The following APCDD1 variants were observed in gnomAD, a reference collection of about 807,000 sequenced individuals.
The protein encoded by APCDD1 is APC down-regulated 1.
A neutral mutation model predicts 38.1 loss-of-function variants in APCDD1; 15 were observed. The ratio of observed to expected loss-of-function variants is 0.39; its 90% CI spans 0.26 to 0.61. The LOEUF is 0.61. APCDD1 is among the 20% of genes least tolerant of loss of function. The pLI, the probability that APCDD1 is intolerant of heterozygous loss-of-function variation, is 0.49. For missense variants in APCDD1, 647 were observed against 696.2 expected (o/e 0.93, Z 0.79); for synonymous variants, 261 against 279.7 (o/e 0.93, Z 0.67).
At chr18:10,464,105 AT>A (rs1364678913) in intron 1 of APCDD1, among the ~76,000 whole-genome samples, 1 of 151,932 alleles carries the variant, frequency 6.6e-6, no homozygotes, top group Non-Finnish European at 1.5e-5. Context: ...CTTAGATTGT[AT>A]TTCTTCCATC....
chr18:10,478,745 T>C (rs936357847), intron 3 of APCDD1, among the ~76,000 whole-genome samples: 9 of 152,196 alleles, frequency 5.9e-5, no homozygotes, highest in South Asian at 2.1e-4. Context: ...GTGTGTTGGA[T>C]AGACAGCAAG....
chr18:10,462,787 G>A (rs925440861), intron 1 of APCDD1, among the ~76,000 whole-genome samples: 59 of 151,690 alleles, frequency 3.9e-4, no homozygotes, highest in African/African-American at 1.2e-3. Flanking sequence ...AAGATTTACT[G>A]TAGTTTGTTG....
Position 10,487,773 on chromosome 18 carries a change from T to C in APCDD1, c.1280T>C (p.Met427Thr), listed in dbSNP as rs1245371026. 9 of 1,614,102 alleles carry C rather than the reference T, an allele frequency of 5.6e-6. 1 individual carries two copies. In the South Asian group the frequency reaches 8.8e-5, roughly 16 times the overall value. The change falls in exon 5 of 5, where the codon ATG (methionine) becomes ACG (threonine). Residue 427 changes from methionine to threonine, a missense_variant. Physicochemically the swap from Met to Thr is moderately conservative, Grantham distance 81 (BLOSUM62 -1). Coordinates refer to ENST00000355285, the MANE Select transcript of APCDD1 (RefSeq NM_153000.5). ...CACACGGAGTACGAGATCTTCAAAA[T>C]GGAACAGGATGCCCGGGGGCGCTAT... Reference protein sequence around the residue: ...LPHTEYEIFKMEQDARGRYLL... With the variant: ...LPHTEYEIFKTEQDARGRYLL...
intron 1 of APCDD1, among the ~76,000 whole-genome samples, chr18:10,458,589 T>G (rs1383706359): frequency 6.6e-6 from 1 of 152,178 alleles, no homozygotes; most frequent in Non-Finnish European, 1.5e-5. Flanking sequence ...TTAAAGAGAT[T>G]GACAAGCCAA....
intron 1 of APCDD1, among the ~76,000 whole-genome samples, chr18:10,456,666 TA>T (rs2030390114): frequency 6.6e-6 from 1 of 152,056 alleles, no homozygotes; most frequent in Admixed American, 6.5e-5. Flanking sequence ...TTTTGAGAGG[TA>T]GGGGTTGTAA....
rs1381101244 is a variant in APCDD1 at position 10,485,157 on chromosome 18, CT to C, written c.775-304del. ...TAGCCATCCTAATGGGTGTGAGGTG[CT>C]GCCATCATTTCTTTTTGAAATCAAG... On this transcript the variant is annotated intron_variant, in intron 3 of 4. Coordinates refer to ENST00000355285, the MANE Select transcript of APCDD1 (RefSeq NM_153000.5). The surrounding 1 kb of genome is among the most constrained non-coding windows in gnomAD (Gnocchi z 5.8). Among the ~76,000 whole-genome samples the C allele has an allele frequency of 6.6e-6, 1 of 152,158 alleles. No individual in the cohort carries two copies. The highest frequency in any genetic ancestry group is 2.4e-5 in the African/African-American group (1 of 41,428).
intron 3 of APCDD1, among the ~76,000 whole-genome samples, chr18:10,484,392 T>A (rs2031204373): frequency 6.6e-6 from 1 of 152,250 alleles, no homozygotes; most frequent in Admixed American, 6.5e-5. Context: ...TCTTTGTGTC[T>A]CCTAACTTTT....
At chr18:10,468,014 G>A (rs1300414481) in intron 1 of APCDD1, among the ~76,000 whole-genome samples, 1 of 152,142 alleles carries the variant, frequency 6.6e-6, no homozygotes, top group Non-Finnish European at 1.5e-5. Flanking sequence ...CTGTCATTGT[G>A]TAAATTCACC....
At chr18:10,455,843 GT>G (rs1167772345) in intron 1 of APCDD1, among the ~76,000 whole-genome samples, 1 of 152,162 alleles carries the variant, frequency 6.6e-6, no homozygotes, top group East Asian at 1.9e-4. Flanking sequence ...GACAAGGCAG[GT>G]TTTATGGCGC....
At chr18:10,480,831 G>A (rs2031118354) in intron 3 of APCDD1, among the ~76,000 whole-genome samples, 1 of 151,432 alleles carries the variant, frequency 6.6e-6, no homozygotes, top group Non-Finnish European at 1.5e-5. Context: ...TCACATCACT[G>A]CACTCCAACC....
chr18:10,482,333 G>T lies in APCDD1; in HGVS notation c.775-3129G>T, dbSNP rs370019390. 3.3e-5 allele frequency among the ~76,000 whole-genome samples: 5 copies of T among 152,326 alleles called. No individual in the cohort carries two copies. The East Asian group carries it at 7.7e-4, about 24-fold the overall frequency. ...CCAAGTTGTGGGGAATGGCGCAGAG[G>T]GGAGCTGAAGGCTGGGGTTGGGGAA... On this transcript the variant is annotated intron_variant, in intron 3 of 4. Transcript: ENST00000355285.
chr18:10,457,512 T>C (rs2030413701), intron 1 of APCDD1, among the ~76,000 whole-genome samples: 1 of 152,236 alleles, frequency 6.6e-6, no homozygotes, highest in Non-Finnish European at 1.5e-5. Flanking sequence ...TTTTTCCTGA[T>C]AAATAGGCAT....
chr18:10,483,128 C>T (rs1040515797), intron 3 of APCDD1, among the ~76,000 whole-genome samples: 17 of 152,186 alleles, frequency 1.1e-4, no homozygotes, highest in Non-Finnish European at 2.9e-5. Context: ...AATAGCTTGC[C>T]CAAAATCACC....
At chr18:10,462,181 C>T (rs1287306617) in intron 1 of APCDD1, among the ~76,000 whole-genome samples, 1 of 152,094 alleles carries the variant, frequency 6.6e-6, no homozygotes, top group Non-Finnish European at 1.5e-5. Context: ...AAAAACTTAG[C>T]ATTATATATA....
At chr18:10,461,860 G>A (rs1056599041) in intron 1 of APCDD1, among the ~76,000 whole-genome samples, 9 of 152,064 alleles carry the variant, frequency 5.9e-5, no homozygotes, top group African/African-American at 2.2e-4. Flanking sequence ...TCAAAATGTT[G>A]ACATTATTTG....
At chr18:10,461,670 G>C (rs1288790384) in intron 1 of APCDD1, among the ~76,000 whole-genome samples, 1 of 152,098 alleles carries the variant, frequency 6.6e-6, no homozygotes, top group African/African-American at 2.4e-5. Flanking sequence ...AAAAAGAAAG[G>C]CATATATTAG....
At chr18:10,473,524 G>A (rs1390106746) in intron 3 of APCDD1, among the ~76,000 whole-genome samples, 1 of 152,230 alleles carries the variant, frequency 6.6e-6, no homozygotes, top group African/African-American at 2.4e-5. Context: ...AGCCTCTGAT[G>A]CCGGCTCCAT....
At chr18:10,455,840 C>A (rs941238115) in intron 1 of APCDD1, among the ~76,000 whole-genome samples, 3 of 152,164 alleles carry the variant, frequency 2.0e-5, no homozygotes, top group Non-Finnish European at 4.4e-5. Context: ...GTGGACAAGG[C>A]AGGTTTTATG....
In APCDD1 at chr18:10,471,579, T is replaced by C. The variant is rs2030851658; in HGVS notation, c.292T>C (p.Tyr98His). Residue 98 changes from tyrosine to histidine, a missense_variant, in exon 3 of 5, where the codon TAC (tyrosine) becomes CAC (histidine). By Grantham distance (83) the Tyr-to-His change is moderately conservative. Transcript: ENST00000355285. The surrounding 1 kb of genome is among the most constrained non-coding windows in gnomAD (Gnocchi z 5.5). Reference sequence around the variant, plus strand: ...GTTCATCACAAGGTCCTACAGATTCTACCACAATAACACCTTCAAGGCCTA... The same window carrying C: ...GTTCATCACAAGGTCCTACAGATTCCACCACAATAACACCTTCAAGGCCTA... ...PEFITRSYRFYHNNTFKAYQF... is the reference protein window; with the variant it reads ...PEFITRSYRFHHNNTFKAYQF... The C allele has an allele frequency of 6.2e-7, 1 of 1,614,230 alleles. No homozygotes were observed. The highest frequency in any genetic ancestry group is 8.5e-7 in the Non-Finnish European group (1 of 1,180,036).
Sources: gnomAD v4.1 joint callset for allele counts (sites outside exome capture counted in the v4.1 genomes callset) on GRCh38, gnomAD v4.1.1 for gene constraint, Gnocchi (gnomAD v3.1) non-coding constraint, MANE v1.5 for transcripts, NCBI Gene and HGNC (gene_info 2026-07-23, HGNC 2026-07-21) for gene names.